The following TPRG1 variants were observed in gnomAD, a reference collection of about 807,000 sequenced individuals.
TPRG1 encodes the protein tumor protein p63-regulated gene 1 protein.
TPRG1 carries 29 observed loss-of-function variants against 29.3 expected under a neutral mutation model. The observed-to-expected ratio is 0.99, with a 90% CI of 0.74 to 1.35. The LOEUF is 1.35. Among genes scored for constraint, TPRG1 ranks in the 40% most tolerant of loss-of-function variants. The pLI, the probability that TPRG1 is intolerant of heterozygous loss-of-function variation, is 0.00. For synonymous variants in TPRG1, 130 were observed against 116.8 expected (o/e 1.11, Z -0.73); for missense variants, 327 against 335.0 (o/e 0.98, Z 0.19).
chr3:189,021,879 T>C (rs1713334987), intron 3 of TPRG1, among the ~76,000 whole-genome samples: 1 of 152,344 alleles, frequency 6.6e-6, no homozygotes, highest in Middle Eastern at 3.4e-3. Context: ...CAATGAGACG[T>C]AGATTTGGTC....
Position 189,238,781 on chromosome 3 carries a change from C to A in TPRG1, c.351C>A (p.Asp117Glu), listed in dbSNP as rs562885673. The change falls in exon 4 of 6, where the codon GAC becomes GAA. Residue 117 changes from aspartate (D) to glutamate (E), a missense_variant. Asp to Glu is a conservative substitution (Grantham distance 45). Coordinates refer to ENST00000345063, the MANE Select transcript of TPRG1 (RefSeq NM_198485.4). Reference sequence around the variant, plus strand: ...AGGAGAGAATTCTACTGGTCACAGACAAGACTCTCTTGATCTGCAAATACG... The same window carrying A: ...AGGAGAGAATTCTACTGGTCACAGAAAAGACTCTCTTGATCTGCAAATACG... ...NEKERILLVTDKTLLICKYDF... is the reference protein window; with the variant it reads ...NEKERILLVTEKTLLICKYDF... 6 of 1,613,654 alleles carry A rather than the reference C, an allele frequency of 3.7e-6. No homozygotes were observed. The highest frequency in any genetic ancestry group is 2.2e-5 in the East Asian group (1 of 44,876).
At chr3:189,052,028 G>GC (rs1290009417) in intron 4 of TPRG1, among the ~76,000 whole-genome samples, 1 of 152,210 alleles carries the variant, frequency 6.6e-6, no homozygotes, top group African/African-American at 2.4e-5. Flanking sequence ...TCTAGACATT[G>GC]CTTTAGGCAA....
chr3:189,170,970 A>G (rs1240685975), upstream of TPRG1, among the ~76,000 whole-genome samples: 1 of 152,258 alleles, frequency 6.6e-6, no homozygotes, highest in African/African-American at 2.4e-5. Flanking sequence ...TGAATGAAGT[A>G]GAGAATTTAG....
At chr3:189,289,927 T>A (rs925460305) in intron 4 of TPRG1, among the ~76,000 whole-genome samples, 1 of 152,216 alleles carries the variant, frequency 6.6e-6, no homozygotes, top group Non-Finnish European at 1.5e-5. Context: ...CATATCTACC[T>A]GAAGCCTAAA....
Position 189,200,383 on chromosome 3 carries a change from G to A in TPRG1, c.-9-6993G>A, listed in dbSNP as rs1227292183. Among the ~76,000 whole-genome samples, 6 of 152,286 alleles carry A rather than the reference G, an allele frequency of 3.9e-5. No individual in the cohort carries two copies. The East Asian group carries it at 7.7e-4, about 20-fold the overall frequency. ...CCGCACATCCCTCGGCTGTTCTCAC[G>A]GAGAGACTCACGGAAGCCTGCACAC... On this transcript the variant is annotated intron_variant, in intron 1 of 5. Coordinates refer to ENST00000345063, the MANE Select transcript of TPRG1 (RefSeq NM_198485.4).
intron 3 of TPRG1, among the ~76,000 whole-genome samples, chr3:189,017,729 A>C (rs924842552): frequency 3.9e-5 from 6 of 152,100 alleles, no homozygotes; most frequent in South Asian, 4.1e-4. Context: ...ATTTATAGTC[A>C]TTTGGGTATA....
At chr3:189,138,063 C>T (rs1389932062) in intron 3 of TPRG1, among the ~76,000 whole-genome samples, 1 of 152,116 alleles carries the variant, frequency 6.6e-6, no homozygotes, top group Non-Finnish European at 1.5e-5. Flanking sequence ...TATGTGTAAA[C>T]CATAGTTCCA....
intron 5 of TPRG1, among the ~76,000 whole-genome samples, chr3:189,315,214 A>G (rs1191762914): frequency 6.6e-6 from 1 of 151,936 alleles, no homozygotes; most frequent in Non-Finnish European, 1.5e-5. Context: ...AAATCATATA[A>G]TAATAGTTCT....
intron 4 of TPRG1, among the ~76,000 whole-genome samples, chr3:189,040,535 C>G (rs1416425920): frequency 6.6e-6 from 1 of 152,022 alleles, no homozygotes; most frequent in East Asian, 1.9e-4. Flanking sequence ...TGGCTTCCTG[C>G]TGTGGCTAAG....
intron 1 of TPRG1, among the ~76,000 whole-genome samples, chr3:189,205,385 G>A (rs1376581918): frequency 6.6e-6 from 1 of 152,200 alleles, no homozygotes; most frequent in East Asian, 1.9e-4. Flanking sequence ...ATTTGCCTGA[G>A]ACTGTCCAGT....
intron 5 of TPRG1, among the ~76,000 whole-genome samples, chr3:189,312,199 T>G (rs1260994763): frequency 2.0e-5 from 2 of 98,074 alleles, no homozygotes; most frequent in African/African-American, 1.0e-4. Context: ...CTTTCTTTCT[T>G]TCTTTCTTTC....
Position 189,321,146 on chromosome 3 carries a change from CTTTTT to C in TPRG1, c.*342_*346del. On this transcript the variant is annotated 3_prime_UTR_variant, in exon 6 of 6. Coordinates refer to ENST00000345063, the MANE Select transcript of TPRG1 (RefSeq NM_198485.4). The stretch of plus-strand genomic sequence containing the variant: ...GTTGCTTCAGCTCTCTAAATGTAGG[CTTTTT>C]TTTTTTTTTTTTTTTAGGTCTTGGT... The C allele has an allele frequency of 8.8e-6, 1 of 113,746 alleles. No individual in the cohort carries two copies. The allele number at this position is 113,746 out of a possible 1,614,324, so 7.0% of individuals were successfully genotyped here.
intron 2 of TPRG1, among the ~76,000 whole-genome samples, chr3:189,209,887 A>G (rs1734992061): frequency 6.6e-6 from 1 of 152,206 alleles, no homozygotes; most frequent in African/African-American, 2.4e-5. Flanking sequence ...GATTTTCCCA[A>G]GATACTCAGT....
At chr3:189,131,265 A>G (rs548833705) in intron 2 of TPRG1, among the ~76,000 whole-genome samples, 1 of 152,296 alleles carries the variant, frequency 6.6e-6, no homozygotes, top group African/African-American at 2.4e-5. Context: ...TATACATTAC[A>G]AAAAGGCAAT....
intron 2 of TPRG1, among the ~76,000 whole-genome samples, chr3:189,214,268 T>C (rs1279618724): frequency 6.6e-6 from 1 of 152,220 alleles, no homozygotes; most frequent in Non-Finnish European, 1.5e-5. Flanking sequence ...TTCTGAAAAA[T>C]ATTAGTCTCA....
chr3:189,208,945 A>G (rs1422471815), intron 2 of TPRG1, among the ~76,000 whole-genome samples: 2 of 152,230 alleles, frequency 1.3e-5, no homozygotes, highest in East Asian at 3.8e-4. Flanking sequence ...GCCTGAAGTT[A>G]GAATAGGCCA....
intron 3 of TPRG1, among the ~76,000 whole-genome samples, chr3:189,020,090 T>A (rs1186081869): frequency 6.6e-6 from 1 of 152,146 alleles, no homozygotes. Context: ...CCCTTTATCA[T>A]TTTTTATTGC....
At chr3:189,205,878 A>G (rs899957388) in intron 1 of TPRG1, among the ~76,000 whole-genome samples, 6 of 152,212 alleles carry the variant, frequency 3.9e-5, no homozygotes, top group Non-Finnish European at 7.3e-5. Context: ...ACAAAAATAA[A>G]AATCACCTCT....
At chr3:189,077,385 C>T (rs1449072084) in intron 4 of TPRG1, among the ~76,000 whole-genome samples, 1 of 152,062 alleles carries the variant, frequency 6.6e-6, no homozygotes, top group Non-Finnish European at 1.5e-5. Context: ...CCTATACTAA[C>T]TAACTAATAG....
Sources: allele counts gnomAD v4.1 joint callset (sites outside exome capture counted in the v4.1 genomes callset), GRCh38; gene constraint gnomAD v4.1.1; transcripts MANE v1.5; gene names NCBI Gene and HGNC (gene_info 2026-07-23, HGNC 2026-07-21).